The following VPS4A variants were observed in gnomAD, a reference collection of about 807,000 sequenced individuals.
VPS4A encodes the protein vacuolar protein sorting-associated protein 4A.
VPS4A carries 20 observed loss-of-function variants against 52.3 expected under a neutral mutation model. The observed-to-expected ratio is 0.38, with a 90% confidence interval of 0.27 to 0.56. The LOEUF is 0.56. Among genes scored for constraint, VPS4A ranks in the 20% least tolerant of loss-of-function variants. The probability of loss-of-function intolerance (pLI) is 0.72; values close to 1 mark genes in which losing one functional copy is unlikely to be tolerated. For missense variants in VPS4A, 419 were observed against 575.9 expected (o/e 0.73, Z 2.79); for synonymous variants, 293 against 227.7 (o/e 1.29, Z -2.58).
rs1427194974 is a variant in VPS4A, at chr16:69,318,891, G to A, written c.412G>A (p.Ala138Thr). 5 of 1,613,762 alleles carry A rather than the reference G, an allele frequency of 3.1e-6. No individual in the cohort carries two copies. The highest frequency in any genetic ancestry group is 4.2e-6 in the Non-Finnish European group (5 of 1,179,808). Reference protein sequence around the residue: ...DVAGLEGAKEALKEAVILPIK... With the variant: ...DVAGLEGAKETLKEAVILPIK... ...GGCCGGGCTGGAGGGGGCCAAGGAG[G>A]CCCTCAAAGAAGCTGTCATTTTGCC... is the stretch of plus-strand genomic sequence containing the variant. The change falls in exon 5 of 11, where the codon GCC (alanine) becomes ACC (threonine). Residue 138 changes from alanine (A) to threonine (T), a missense_variant. Physicochemically the swap from Ala to Thr is moderately conservative, Grantham distance 58 (BLOSUM62 0). Around this residue, in one of 3 missense-constraint regions of VPS4A, gnomAD observed 103 missense variants for 210.3 expected, o/e 0.49. Transcript: ENST00000254950.
At chr16:69,314,256 C>T (rs1460918784) in intron 1 of VPS4A, among the ~76,000 whole-genome samples, 2 of 151,984 alleles carry the variant, frequency 1.3e-5, no homozygotes, top group African/African-American at 4.8e-5. Context: ...CATGAGCCAC[C>T]GTGCCCAGCC....
In VPS4A at chr16:69,321,367, C is replaced by A; in HGVS notation, c.1071+97C>A. 1 of 1,352,402 alleles carries A rather than the reference C, an allele frequency of 7.4e-7. No homozygotes were observed. The highest frequency in any genetic ancestry group is 1.0e-6 in the Non-Finnish European group (1 of 992,610). The allele number at this position is 1,352,402 out of a possible 1,614,324, so 83.8% of individuals were successfully genotyped here. On this transcript the variant is annotated intron_variant, in intron 9 of 10. Coordinates refer to ENST00000254950, the MANE Select transcript of VPS4A (RefSeq NM_013245.3). This position sits in a 1 kb window ranked among gnomAD's most constrained non-coding sequence, Gnocchi z 4.5. ...CTCCTGGTCCTGCTCCCCGGCTGCT[C>A]AGGTGACACAGTCTCTGAGGCCTCC...
chr16:69,315,972 C>T (rs200374044), intron 1 of VPS4A, 36 bp from the exon 2 acceptor site: 42 of 1,590,512 alleles, frequency 2.6e-5, no homozygotes, highest in Admixed American at 6.7e-5. Flanking sequence ...TCCACCTCTC[C>T]GAGGAAGCAC....
intron 10 of VPS4A, 98 bp downstream of exon 10, chr16:69,322,798 G>C (rs1965530421): frequency 2.1e-6 from 3 of 1,460,500 alleles, no homozygotes; most frequent in Non-Finnish European, 1.8e-6. Context: ...GGCCAGGCAT[G>C]GTAGCTCACG....
In VPS4A at chr16:69,324,489, C is replaced by T. The variant is rs562193676; in HGVS notation, c.*180C>T. 1,091 of 648,624 alleles carry T rather than the reference C, an allele frequency of 1.7e-3. 12 individuals are homozygous for T. Among genetic ancestry groups the T allele is most frequent in the South Asian group, 0.013 (702 of 56,012 alleles). 40.2% of individuals were successfully genotyped at this position (648,624 alleles called of 1,614,324 possible). ...AGGGCCTTGCAGCCACAGAGACACTCCACTGCCCTGGGGCACACAGTGGAC... is the reference window on the plus strand; with the variant it reads ...AGGGCCTTGCAGCCACAGAGACACTTCACTGCCCTGGGGCACACAGTGGAC... On this transcript the variant is annotated 3_prime_UTR_variant, in exon 11 of 11. Transcript: ENST00000254950.
At chr16:69,316,492 A>G in intron 3 of VPS4A, 120 bp downstream of exon 3, 2 of 1,348,778 alleles carry the variant, frequency 1.5e-6, no homozygotes, top group South Asian at 1.4e-5. Flanking sequence ...CAGGGATGAC[A>G]GTGCCAGCAG....
In VPS4A at chr16:69,324,204, A is replaced by C. The variant is rs917032235; in HGVS notation, c.1213-4A>C. On this transcript the variant is annotated splice_polypyrimidine_tract_variant and splice_region_variant and intron_variant, in intron 10 of 10. Coordinates refer to ENST00000254950, the MANE Select transcript of VPS4A (RefSeq NM_013245.3). The stretch of plus-strand genomic sequence containing the variant: ...TGCTCAGGCACATACTGTTGCCTTC[A>C]CAGTCGGACATGCTGCGGTCTCTGG... 3.1e-6 allele frequency: 5 copies of C among 1,612,462 alleles called. No homozygotes were observed. The highest frequency in any genetic ancestry group is 4.2e-6 in the Non-Finnish European group (5 of 1,179,330).
chr16:69,323,943 CCAAAAAAAAAA>C (rs933200987), intron 10 of VPS4A, among the ~76,000 whole-genome samples: 10 of 108,682 alleles, frequency 9.2e-5, no homozygotes, highest in Non-Finnish European at 1.6e-4. Flanking sequence ...GACTCCGTCT[CCAAAAAAAAAA>C]AAAAAAAAAA....
Position 69,324,785 on chromosome 16 carries a change from C to G in VPS4A, c.*476C>G, listed in dbSNP as rs1157728081. 1.1e-5 allele frequency: 2 copies of G among 186,278 alleles called. No individual in the cohort carries two copies. The highest frequency in any genetic ancestry group is 2.3e-5 in the Non-Finnish European group (2 of 87,208). The allele number at this position is 186,278 out of a possible 1,614,324, so 11.5% of individuals were successfully genotyped here. A position where few individuals can be genotyped will look rare whatever the true frequency, so the allele number is the denominator to read the frequency against. ...GTTTTGCTCCTTGAGAGCAGATTGG[C>G]TGATGCCCCTGCAACCCCAGCCCAA... On this transcript the variant is annotated 3_prime_UTR_variant, in exon 11 of 11. Coordinates refer to ENST00000254950, the MANE Select transcript of VPS4A (RefSeq NM_013245.3).
rs779375705 is a variant in VPS4A, at chr16:69,324,863, C to T, written c.*554C>T. ...AGCCATTCCCACCCTCCTAGGTTCA[C>T]ATCCAGGGCTGTGTCTTCCTTGGGG... On this transcript the variant is annotated 3_prime_UTR_variant, in exon 11 of 11. Coordinates refer to ENST00000254950, the MANE Select transcript of VPS4A (RefSeq NM_013245.3). 11 of 163,750 alleles carry T rather than the reference C, an allele frequency of 6.7e-5. No individual in the cohort carries two copies. Among genetic ancestry groups the T allele is most frequent in the Non-Finnish European group, 1.2e-4 (9 of 74,028 alleles). 10.1% of individuals were successfully genotyped at this position (163,750 alleles called of 1,614,324 possible).
intron 9 of VPS4A, chr16:69,322,323 G>A (rs1388138915): frequency 7.3e-6 from 3 of 408,910 alleles, no homozygotes; most frequent in Non-Finnish European, 1.3e-5. Context: ...TGTATTCCTG[G>A]TGAGACGTGA....
rs1965512002 is a variant in VPS4A, at chr16:69,321,534, T to C, written c.1071+264T>C. On this transcript the variant is annotated intron_variant, in intron 9 of 10. Coordinates refer to ENST00000254950, the MANE Select transcript of VPS4A (RefSeq NM_013245.3). The surrounding 1 kb of genome is among the most constrained non-coding windows in gnomAD (Gnocchi z 4.5). The stretch of plus-strand genomic sequence containing the variant: ...CTTAACCCTGCTGCGGCCTCCTCCG[T>C]CAGCACTGTGTGCTCTTGTGCGGGG... The C allele has an allele frequency of 3.9e-6, 2 of 513,918 alleles. No homozygotes were observed. The highest frequency in any genetic ancestry group is 4.4e-5 in the South Asian group (2 of 44,948). 31.8% of individuals were successfully genotyped at this position (513,918 alleles called of 1,614,324 possible). A position where few individuals can be genotyped will look rare whatever the true frequency, so the allele number is the denominator to read the frequency against.
In VPS4A at chr16:69,311,382, G is replaced by C. The variant is rs1173970579; in HGVS notation, c.-130G>C. ...GACTCGGCTCCCGCTGCGAGCGGCC[G>C]CCCTGCCCGCGCACCGCGCTCAGCG... On this transcript the variant is annotated 5_prime_UTR_variant, in exon 1 of 11. Coordinates refer to ENST00000254950, the MANE Select transcript of VPS4A (RefSeq NM_013245.3). 3 of 1,050,268 alleles carry C rather than the reference G, an allele frequency of 2.9e-6. No homozygotes were observed. The highest frequency in any genetic ancestry group is 4.8e-5 in the South Asian group (1 of 20,996). 65.1% of individuals were successfully genotyped at this position (1,050,268 alleles called of 1,614,324 possible). A position where few individuals can be genotyped will look rare whatever the true frequency, so the allele number is the denominator to read the frequency against.
intron 3 of VPS4A, among the ~76,000 whole-genome samples, chr16:69,317,281 C>A (rs912407199): frequency 6.6e-6 from 1 of 152,184 alleles, no homozygotes; most frequent in Admixed American, 6.5e-5. Context: ...AGTTCCCTTT[C>A]GATTTCGGTT....
chr16:69,323,962 A>AAAAAAG (rs1555502923), intron 10 of VPS4A, among the ~76,000 whole-genome samples: 6 of 151,226 alleles, frequency 4.0e-5, no homozygotes, highest in African/African-American at 1.5e-4. Context: ...AAAAAAAAAA[A>AAAAAAG]AAAGAAAGCA....
At position 69,321,305 on chromosome 16, in the gene VPS4A, A is replaced by C; in HGVS notation, c.1071+35A>C. The C allele has an allele frequency of 5.8e-5, 89 of 1,538,442 alleles. No homozygotes were observed. The highest frequency in any genetic ancestry group is 1.8e-4 in the Middle Eastern group (1 of 5,580). On this transcript the variant is annotated intron_variant, in intron 9 of 10. Coordinates refer to ENST00000254950, the MANE Select transcript of VPS4A (RefSeq NM_013245.3). This position sits in a 1 kb window ranked among gnomAD's most constrained non-coding sequence, Gnocchi z 4.5. ...CGCGGCCACTGCTGAGAAAAATCTC[A>C]TAGTAAGAGCGGGATGTTCGGTTTT... is the stretch of plus-strand genomic sequence containing the variant.
rs1382350701 is a variant in VPS4A at position 69,326,781 on chromosome 16, T to C, written c.*2472T>C. On this transcript the variant is annotated 3_prime_UTR_variant, in exon 11 of 11. Coordinates refer to ENST00000254950, the MANE Select transcript of VPS4A (RefSeq NM_013245.3). ...ACTTCTCTGCCTGGGGATTCTGTTA[T>C]AAACCTTCTGCCTACATTGGCTTTC... is the stretch of plus-strand genomic sequence containing the variant. 6.6e-6 allele frequency: 1 copy of C among 152,266 alleles called. No homozygotes were observed. The highest frequency in any genetic ancestry group is 1.5e-5 in the Non-Finnish European group (1 of 68,042). 9.4% of individuals were successfully genotyped at this position (152,266 alleles called of 1,614,324 possible).
intron 4 of VPS4A, 28 bp from the exon 5 acceptor site, chr16:69,318,795 C>T (rs548196927): frequency 5.0e-5 from 80 of 1,611,466 alleles, no homozygotes; most frequent in South Asian, 7.7e-5. Flanking sequence ...TGGCCGGGCC[C>T]GGGCCCGGGC....
At position 69,325,590 on chromosome 16, in the gene VPS4A, G is replaced by C. The variant is rs756726346; in HGVS notation, c.*1281G>C. The C allele has an allele frequency of 6.6e-6, 1 of 152,104 alleles. No homozygotes were observed. Among genetic ancestry groups the C allele is most frequent in the Non-Finnish European group, 1.5e-5 (1 of 68,048 alleles). 9.4% of individuals were successfully genotyped at this position (152,104 alleles called of 1,614,324 possible). On this transcript the variant is annotated 3_prime_UTR_variant, in exon 11 of 11. Transcript: ENST00000254950. The stretch of plus-strand genomic sequence containing the variant: ...CTCACTAAAAATAAAAAAATTAGCC[G>C]GGCGTGGTGGTGGGCGCCTGCAGTC...
Sources: gnomAD v4.1 joint callset for allele counts (sites outside exome capture counted in the v4.1 genomes callset) on GRCh38, gnomAD v4.1.1 for gene constraint, gnomAD v4.1.1 regional missense constraint, Gnocchi (gnomAD v3.1) non-coding constraint, MANE v1.5 for transcripts, NCBI Gene and HGNC (gene_info 2026-07-23, HGNC 2026-07-21) for gene names.